Variants in ATXN7L1 observed in about 807,000 individuals in gnomAD.
ATXN7L1 encodes the protein ataxin-7-like protein 1.
A neutral mutation model predicts 70.8 loss-of-function variants in ATXN7L1; 15 were observed. The observed-to-expected ratio is 0.21, with a 90% CI of 0.14 to 0.33. The LOEUF is 0.33. Among genes scored for constraint, ATXN7L1 ranks in the 10% least tolerant of loss-of-function variants. The pLI is 1.00. For missense variants in ATXN7L1, 975 were observed against 1,097.1 expected (o/e 0.89, Z 1.57); for synonymous variants, 440 against 445.1 (o/e 0.99, Z 0.14).
chr7:105,668,120 G>C (rs145226476), intron 3 of ATXN7L1, among the ~76,000 whole-genome samples: 1 of 152,174 alleles, frequency 6.6e-6, no homozygotes, highest in African/African-American at 2.4e-5. Flanking sequence ...TAAATCACAA[G>C]GAAGTGTGCC....
chr7:105,858,208 G>C (rs1360463107), intron 2 of ATXN7L1, among the ~76,000 whole-genome samples: 3 of 152,166 alleles, frequency 2.0e-5, no homozygotes, highest in Non-Finnish European at 4.4e-5. Context: ...TTCAGCCTGG[G>C]CAACAGAATG....
chr7:105,771,063 G>T (rs1333844516), intron 3 of ATXN7L1, among the ~76,000 whole-genome samples: 1 of 152,008 alleles, frequency 6.6e-6, no homozygotes, highest in African/African-American at 2.4e-5. Context: ...AGCTGGGTGT[G>T]GTGGTGGGCA....
At chr7:105,834,196 C>G (rs1812038933) in intron 2 of ATXN7L1, among the ~76,000 whole-genome samples, 1 of 152,216 alleles carries the variant, frequency 6.6e-6, no homozygotes. Flanking sequence ...GCATGTGCCA[C>G]CACGCCTGGC....
At chr7:105,833,959 G>A (rs932602295) in intron 2 of ATXN7L1, among the ~76,000 whole-genome samples, 7 of 152,202 alleles carry the variant, frequency 4.6e-5, no homozygotes, top group Admixed American at 2.0e-4. Context: ...AAATTAATTC[G>A]GATATTGATT....
intron 3 of ATXN7L1, among the ~76,000 whole-genome samples, chr7:105,690,252 G>C (rs1003491614): frequency 6.6e-6 from 1 of 152,126 alleles, no homozygotes; most frequent in Non-Finnish European, 1.5e-5. Context: ...TGATCCGCCC[G>C]CCTCAGCCTC....
intron 3 of ATXN7L1, among the ~76,000 whole-genome samples, chr7:105,676,078 TGGA>T (rs1478060724): frequency 1.3e-5 from 2 of 152,050 alleles, no homozygotes; most frequent in African/African-American, 2.4e-5. Context: ...TCACTCTGAG[TGGA>T]GGAGAACGGA....
At chr7:105,621,109 G>A (rs1410544893) in intron 8 of ATXN7L1, among the ~76,000 whole-genome samples, 2 of 152,110 alleles carry the variant, frequency 1.3e-5, no homozygotes, top group Admixed American at 6.6e-5. Flanking sequence ...AAATGCCTTC[G>A]TTTCCCAGTC....
At chr7:105,851,951 A>G (rs774580111) in intron 2 of ATXN7L1, among the ~76,000 whole-genome samples, 4 of 152,154 alleles carry the variant, frequency 2.6e-5, no homozygotes, top group Non-Finnish European at 4.4e-5. Flanking sequence ...TGAAGGATCA[A>G]TGCCACTACT....
At chr7:105,618,258 A>G (rs1374276317) in intron 9 of ATXN7L1, among the ~76,000 whole-genome samples, 1 of 152,226 alleles carries the variant, frequency 6.6e-6, no homozygotes, top group African/African-American at 2.4e-5. Context: ...GGGGAACAAG[A>G]GCAGAGGCTC....
intron 3 of ATXN7L1, among the ~76,000 whole-genome samples, chr7:105,727,777 T>TATATATACACACAC (rs1462125950): frequency 8.9e-5 from 8 of 90,190 alleles, no homozygotes; most frequent in African/African-American, 4.3e-4. Context: ...TATATATATA[T>TATATATACACACAC]ACACACACAT....
chr7:105,795,107 C>A (rs1401368230), intron 2 of ATXN7L1, among the ~76,000 whole-genome samples: 1 of 152,184 alleles, frequency 6.6e-6, no homozygotes, highest in African/African-American at 2.4e-5. Context: ...GCTTCTCACA[C>A]CCCCAGGTGG....
chr7:105,805,072 A>G (rs932116846), intron 2 of ATXN7L1, among the ~76,000 whole-genome samples: 1 of 152,272 alleles, frequency 6.6e-6, no homozygotes, highest in Non-Finnish European at 1.5e-5. Flanking sequence ...TAGGATGACA[A>G]CATACACACT....
At chr7:105,715,201 C>G (rs1794393881) in intron 3 of ATXN7L1, among the ~76,000 whole-genome samples, 1 of 152,152 alleles carries the variant, frequency 6.6e-6, no homozygotes. Context: ...CACGTGTGGG[C>G]TCAAAACCAG....
chr7:105,608,674 G>A (rs935348631), intron 11 of ATXN7L1, among the ~76,000 whole-genome samples: 1 of 152,230 alleles, frequency 6.6e-6, no homozygotes, highest in South Asian at 2.1e-4. Context: ...CACACATGAA[G>A]GGCTGCAAGT....
chr7:105,875,913 T>C, intron 1 of ATXN7L1, 33 bp from the exon 2 acceptor site: 1 of 1,592,856 alleles, frequency 6.3e-7, no homozygotes, highest in Non-Finnish European at 8.6e-7. Flanking sequence ...AAACAGAAAA[T>C]AAGGAAAAAA....
intron 2 of ATXN7L1, among the ~76,000 whole-genome samples, chr7:105,842,363 C>A (rs545421725): frequency 6.6e-6 from 1 of 152,150 alleles, no homozygotes; most frequent in African/African-American, 2.4e-5. Flanking sequence ...AAACCCCGTA[C>A]TTCCCAATTC....
At chr7:105,687,898 C>G (rs910138372) in intron 3 of ATXN7L1, among the ~76,000 whole-genome samples, 2 of 152,180 alleles carry the variant, frequency 1.3e-5, no homozygotes, top group Non-Finnish European at 2.9e-5. Context: ...TGACACCATA[C>G]CCACTCACCC....
chr7:105,624,820 G>C (rs928302609), intron 7 of ATXN7L1, among the ~76,000 whole-genome samples: 1 of 152,208 alleles, frequency 6.6e-6, no homozygotes, highest in Non-Finnish European at 1.5e-5. Context: ...CCCTGGCGCA[G>C]ATGACAGGAA....
intron 4 of ATXN7L1, among the ~76,000 whole-genome samples, chr7:105,643,737 T>A (rs1471011762): frequency 3.3e-5 from 5 of 152,214 alleles, no homozygotes; most frequent in Non-Finnish European, 7.3e-5. Flanking sequence ...TTATCCAATA[T>A]TCCATTTTAG....
Sources: allele counts gnomAD v4.1 joint callset (sites outside exome capture counted in the v4.1 genomes callset), GRCh38; gene constraint gnomAD v4.1.1; transcripts MANE v1.5; gene names NCBI Gene and HGNC (gene_info 2026-07-23, HGNC 2026-07-21).